The following DLGAP2 variants were observed in gnomAD, a reference collection of about 807,000 sequenced individuals.
DLGAP2 encodes the protein DLG associated protein 2, also known as disks large-associated protein 2.
DLGAP2 carries 26 observed loss-of-function variants against 100.3 expected under a neutral mutation model. The ratio of observed to expected loss-of-function variants is 0.26; its 90% CI spans 0.19 to 0.36. DLGAP2 has a LOEUF of 0.36. DLGAP2 is among the 10% of genes least tolerant of loss of function. The probability of loss-of-function intolerance (pLI) is 1.00; values close to 1 mark genes in which losing one functional copy is unlikely to be tolerated. For synonymous variants in DLGAP2, 886 were observed against 630.1 expected, an observed-to-expected ratio of 1.41 and a Z score of -6.08; for missense variants, 1,858 against 1,453.2, an observed-to-expected ratio of 1.28 and a Z score of -4.53.
chr8:792,598 C>T (rs1451305282), intron 1 of DLGAP2, among the ~76,000 whole-genome samples: 1 of 152,100 alleles, frequency 6.6e-6, no homozygotes, highest in South Asian at 2.1e-4. Context: ...GGTTCATTCG[C>T]TCAGAAAATG....
chr8:863,800 A>T (rs995045476), intron 1 of DLGAP2, among the ~76,000 whole-genome samples: 2 of 152,164 alleles, frequency 1.3e-5, no homozygotes, highest in African/African-American at 4.8e-5. Context: ...TACAGCCGCT[A>T]TGGAAAACAG....
chr8:966,442 G>A (rs941765007), intron 2 of DLGAP2, among the ~76,000 whole-genome samples: 1 of 152,126 alleles, frequency 6.6e-6, no homozygotes, highest in Admixed American at 6.5e-5. Flanking sequence ...AAAGTTTTAG[G>A]GTGAATCAAA....
At chr8:1,136,511 C>T (rs73526571) in intron 2 of DLGAP2, among the ~76,000 whole-genome samples, 7,805 of 152,270 alleles carry the variant, frequency 0.051, 684 homozygotes, top group African/African-American at 0.18. Context: ...AAGCTTCCTT[C>T]GTGAGGGCCA....
intron 3 of DLGAP2, among the ~76,000 whole-genome samples, chr8:1,391,503 G>A (rs1563122667): frequency 6.6e-6 from 1 of 152,120 alleles, no homozygotes; most frequent in Non-Finnish European, 1.5e-5. Flanking sequence ...AATAGCTGGG[G>A]TTTTGGCCCC....
intron 3 of DLGAP2, among the ~76,000 whole-genome samples, chr8:1,453,642 T>G (rs1798224631): frequency 6.6e-6 from 1 of 152,152 alleles, no homozygotes. Context: ...AACCTGTGCC[T>G]GCAACACCAC....
At chr8:1,255,007 T>TGTGTGTGTGTCCTCTCCTGCC (rs1563043347) in intron 2 of DLGAP2, among the ~76,000 whole-genome samples, 1 of 32,032 alleles carries the variant, frequency 3.1e-5, no homozygotes, top group Admixed American at 3.6e-4. Flanking sequence ...CTCATCCTGC[T>TGTGTGTGTGTCCTCTCCTGCC]TGGGCGCTGT....
At chr8:1,106,675 G>A (rs1222958846) in intron 2 of DLGAP2, among the ~76,000 whole-genome samples, 2 of 150,754 alleles carry the variant, frequency 1.3e-5, no homozygotes, top group Non-Finnish European at 3.0e-5. Flanking sequence ...AGCCATTCTA[G>A]GAGGGTTTTC....
intron 3 of DLGAP2, among the ~76,000 whole-genome samples, chr8:1,341,129 A>G (rs1801407348): frequency 6.6e-6 from 1 of 152,126 alleles, no homozygotes; most frequent in Admixed American, 6.6e-5. Flanking sequence ...TAACTAATTG[A>G]TAGTAGGCTT....
At chr8:1,415,444 G>A (rs1482891212) in intron 3 of DLGAP2, among the ~76,000 whole-genome samples, 1 of 143,344 alleles carries the variant, frequency 7.0e-6, no homozygotes, top group Non-Finnish European at 1.5e-5. Flanking sequence ...AATGGGCAGT[G>A]TTTCTTCCCC....
At position 1,552,281 on chromosome 8, in the gene DLGAP2, G is replaced by A. The variant is rs146805196; in HGVS notation, c.1230+2598G>A. 5.9e-5 allele frequency among the ~76,000 whole-genome samples: 9 copies of A among 152,336 alleles called. No homozygotes were observed. In the East Asian group the frequency reaches 9.6e-4, roughly 16 times the overall value. Reference sequence around the variant, plus strand: ...AGGGAGCAGCCACGGCTTTCATGGCGCTCGTTCACAAGGGCGTTTTCTTGC... The same window carrying A: ...AGGGAGCAGCCACGGCTTTCATGGCACTCGTTCACAAGGGCGTTTTCTTGC... On this transcript the variant is annotated intron_variant, in intron 5 of 14. Coordinates refer to ENST00000637795, the MANE Select transcript of DLGAP2 (RefSeq NM_001346810.2).
At chr8:1,211,043 G>T (rs934376212) in intron 2 of DLGAP2, among the ~76,000 whole-genome samples, 1 of 152,256 alleles carries the variant, frequency 6.6e-6, no homozygotes, top group Non-Finnish European at 1.5e-5. Flanking sequence ...GGCAGGCTCG[G>T]CTCTTCCGCC....
chr8:1,266,999 T>A (rs1799466446), intron 3 of DLGAP2, among the ~76,000 whole-genome samples: 1 of 151,308 alleles, frequency 6.6e-6, no homozygotes, highest in Admixed American at 6.6e-5. Flanking sequence ...GAGGTCTAGG[T>A]GGGCAGATCA....
intron 2 of DLGAP2, among the ~76,000 whole-genome samples, chr8:1,189,315 C>A (rs1797585741): frequency 1.3e-5 from 2 of 152,206 alleles, no homozygotes; most frequent in South Asian, 4.1e-4. Context: ...GGGCGGGAGA[C>A]CCAGGAGCCC....
intron 13 of DLGAP2, among the ~76,000 whole-genome samples, chr8:1,695,672 G>A (rs1479204890): frequency 6.6e-6 from 1 of 152,224 alleles, no homozygotes; most frequent in African/African-American, 2.4e-5. Context: ...CAGCCCTACA[G>A]AAAGAGGGGA....
chr8:1,531,273 T>TGTGTGTGTGTGTG, intron 4 of DLGAP2, among the ~76,000 whole-genome samples: 1 of 151,576 alleles, frequency 6.6e-6, no homozygotes, highest in Admixed American at 6.6e-5. Flanking sequence ...TGTGTGTGTG[T>TGTGTGTGTGTGTG]TCAGGTTCTT....
chr8:1,075,720 C>G (rs1803584512), intron 2 of DLGAP2, among the ~76,000 whole-genome samples: 1 of 151,878 alleles, frequency 6.6e-6, no homozygotes, highest in African/African-American at 2.4e-5. Flanking sequence ...TGCATCTGAC[C>G]CCAGGGCATG....
intron 1 of DLGAP2, among the ~76,000 whole-genome samples, chr8:861,266 G>A (rs949413843): frequency 6.6e-6 from 1 of 152,200 alleles, no homozygotes; most frequent in Non-Finnish European, 1.5e-5. Context: ...TAGGAGCTGC[G>A]TATCTGGGAG....
chr8:1,225,130 C>T (rs954087703), intron 2 of DLGAP2, among the ~76,000 whole-genome samples: 3 of 152,194 alleles, frequency 2.0e-5, no homozygotes, highest in Admixed American at 6.5e-5. Flanking sequence ...AGTGCGGGAG[C>T]GTCCATGCTC....
At chr8:939,948 G>A (rs181541825) in intron 2 of DLGAP2, among the ~76,000 whole-genome samples, 3 of 152,084 alleles carry the variant, frequency 2.0e-5, no homozygotes, top group African/African-American at 4.8e-5. Flanking sequence ...GGGTGAACAC[G>A]TACAGGCTCC....
Sources: allele counts gnomAD v4.1 joint callset (sites outside exome capture counted in the v4.1 genomes callset), GRCh38; gene constraint gnomAD v4.1.1; transcripts MANE v1.5; gene names NCBI Gene and HGNC (gene_info 2026-07-23, HGNC 2026-07-21).